The following DHRS7 variants were observed in gnomAD, a reference collection of about 807,000 sequenced individuals.
DHRS7 encodes the protein dehydrogenase/reductase SDR family member 7.
A neutral mutation model predicts 38.9 loss-of-function variants in DHRS7; 34 were observed. That is an observed-to-expected ratio of 0.87 (90% CI 0.66 to 1.16). DHRS7 has a LOEUF of 1.16. DHRS7 is among the 50% of genes most tolerant of loss of function. The probability of loss-of-function intolerance (pLI) is 0.00; values close to 1 mark genes in which losing one functional copy is unlikely to be tolerated. For synonymous variants in DHRS7, 158 were observed against 153.1 expected (o/e 1.03, Z -0.24); for missense variants, 421 against 407.0 (o/e 1.03, Z -0.30).
chr14:60,168,666 C>A, upstream of DHRS7: 1 of 1,539,330 alleles, frequency 6.5e-7, no homozygotes. Context: ...TTTTTCCTCT[C>A]CTTCTCTTTT....
chr14:60,164,408 G>A (rs1896825592), intron 1 of DHRS7, among the ~76,000 whole-genome samples: 1 of 152,046 alleles, frequency 6.6e-6, no homozygotes, highest in African/African-American at 2.4e-5. Context: ...CTAGCTTTCG[G>A]TAGGTCATTT....
chr14:60,167,309 G>A (rs914140369), upstream of DHRS7, among the ~76,000 whole-genome samples: 15 of 152,146 alleles, frequency 9.9e-5, no homozygotes, highest in Admixed American at 2.6e-4. Context: ...CTTGAAGTTC[G>A]GAAGTTAATG....
intron 1 of DHRS7, among the ~76,000 whole-genome samples, chr14:60,158,177 G>A (rs1031370196): frequency 2.7e-5 from 4 of 145,878 alleles, no homozygotes; most frequent in African/African-American, 1.0e-4. Context: ...AGGTTGCAGT[G>A]AGCCAAGATT....
Position 60,150,092 on chromosome 14 carries a change from C to A in DHRS7, c.729G>T (p.Glu243Asp). Residue 243 changes from glutamate (E) to aspartate (D), a missense_variant, in exon 5 of 7, where the codon GAG becomes GAT. Physicochemically the swap from Glu to Asp is conservative, Grantham distance 45 (BLOSUM62 2). Coordinates refer to ENST00000557185, the MANE Select transcript of DHRS7 (RefSeq NM_016029.4). Reference protein sequence around the residue: ...CPGPVQSNIVENSLAGEVTKT... With the variant: ...CPGPVQSNIVDNSLAGEVTKT... ...TTGTGACTTCTCCAGCTAGGGAATT[C>A]TCCACAATATTTGATTGCACAGGTC... The A allele has an allele frequency of 6.2e-7, 1 of 1,601,426 alleles. No individual in the cohort carries two copies. The highest frequency in any genetic ancestry group is 8.5e-7 in the Non-Finnish European group (1 of 1,176,590).
intron 6 of DHRS7, 68 bp downstream of exon 6, chr14:60,149,285 A>C: frequency 6.6e-7 from 1 of 1,505,156 alleles, no homozygotes; most frequent in Non-Finnish European, 9.2e-7. Flanking sequence ...TTTTTTAAAC[A>C]CTGGAAAATT....
At chr14:60,154,214 A>AGG in intron 2 of DHRS7, 149 bp from the exon 3 acceptor site, 1 of 585,384 alleles carries the variant, frequency 1.7e-6, no homozygotes, top group South Asian at 1.9e-5. Flanking sequence ...GGTCAGGAAG[A>AGG]GGACTAGTGG....
chr14:60,161,980 A>T lies in DHRS7; in HGVS notation c.133+3197T>A, dbSNP rs1896772734. 6.6e-6 allele frequency among the ~76,000 whole-genome samples: 1 copy of T among 152,200 alleles called. No homozygotes were observed. The highest frequency in any genetic ancestry group is 1.5e-5 in the Non-Finnish European group (1 of 68,026). ...TGAGGTTACTGTTAACAAAAACCTGAGTTTTGCTCACATGTGCTGCTGTTG... is the reference window on the plus strand; with the variant it reads ...TGAGGTTACTGTTAACAAAAACCTGTGTTTTGCTCACATGTGCTGCTGTTG... On this transcript the variant is annotated intron_variant, in intron 1 of 6. Transcript: ENST00000557185. The surrounding 1 kb of genome is among the most constrained non-coding windows in gnomAD (Gnocchi z 4.2).
At chr14:60,147,185 A>T (rs1244250442) in intron 6 of DHRS7, 2 of 152,154 alleles carry the variant, frequency 1.3e-5, no homozygotes, top group Admixed American at 6.5e-5. Context: ...GTGAGCCATG[A>T]TCACGCCACT....
Position 60,153,089 on chromosome 14 carries a change from AAGCTCTATTAGCT to A in DHRS7, c.470_482del (p.Lys157IlefsTer4). ...TCAAGGACACCGTCCCTAAGTAGTTAAGCTCTATTAGCTTTCTGTAGACATCCAAGCTGGTATC... is the reference window on the plus strand; with the variant it reads ...TCAAGGACACCGTCCCTAAGTAGTTATTCTGTAGACATCCAAGCTGGTATC... On this transcript the variant is annotated frameshift_variant, in exon 4 of 7. Coordinates refer to ENST00000557185, the MANE Select transcript of DHRS7 (RefSeq NM_016029.4). LOFTEE classifies it high-confidence loss of function. The surrounding 1 kb of genome is among the most constrained non-coding windows in gnomAD (Gnocchi z 4.4). The A allele has an allele frequency of 6.2e-7, 1 of 1,614,202 alleles. No homozygotes were observed.
chr14:60,150,326 T>A (rs1044450477), intron 4 of DHRS7, 139 bp from the exon 5 acceptor site: 7 of 728,088 alleles, frequency 9.6e-6, no homozygotes, highest in African/African-American at 3.7e-5. Context: ...CACTTTTTTT[T>A]ATTATTATAT....
In DHRS7 at chr14:60,150,082, C is replaced by G. The variant is rs1262552194; in HGVS notation, c.739G>C (p.Ala247Pro). Residue 247 changes from alanine (A) to proline (P), a missense_variant, in exon 5 of 7, where the codon GCT becomes CCT. By Grantham distance (27) the Ala-to-Pro change is conservative. Coordinates refer to ENST00000557185, the MANE Select transcript of DHRS7 (RefSeq NM_016029.4). ...VQSNIVENSL[A>P]GEVTKTIGNN... The stretch of plus-strand genomic sequence containing the variant: ...ATTTTTACCTTTGTGACTTCTCCAG[C>G]TAGGGAATTCTCCACAATATTTGAT... The G allele has an allele frequency of 6.3e-7, 1 of 1,596,972 alleles. No individual in the cohort carries two copies. The highest frequency in any genetic ancestry group is 8.5e-7 in the Non-Finnish European group (1 of 1,175,786).
chr14:60,150,947 C>T (rs1432192808), intron 4 of DHRS7, among the ~76,000 whole-genome samples: 1 of 152,050 alleles, frequency 6.6e-6, no homozygotes, highest in Admixed American at 6.5e-5. Flanking sequence ...GCTCTTCATA[C>T]CAGTCCTCCT....
rs1566537939 is a variant in DHRS7 at position 60,165,304 on chromosome 14, G to C, written c.6C>G (p.Asn2Lys). Residue 2 changes from asparagine to lysine, a missense_variant, in exon 1 of 7, where the codon AAC becomes AAG. Physicochemically the swap from Asn to Lys is moderately conservative, Grantham distance 94. Transcript: ENST00000557185. The surrounding 1 kb of genome is among the most constrained non-coding windows in gnomAD (Gnocchi z 4.6). ...CCAGCAGCCACAGCAGCAGCTCCCA[G>C]TTCATTGCGGCCGCGCACGCCCAGC... is the stretch of plus-strand genomic sequence containing the variant. MNWELLLWLLVL... is the reference protein window; with the variant it reads MKWELLLWLLVL... The C allele has an allele frequency of 3.2e-6, 5 of 1,585,790 alleles. No homozygotes were observed. The highest frequency in any genetic ancestry group is 4.3e-6 in the Non-Finnish European group (5 of 1,169,290).
At chr14:60,154,151 A>C (rs2140599364) in intron 2 of DHRS7, 86 bp from the exon 3 acceptor site, 1 of 988,778 alleles carries the variant, frequency 1.0e-6, no homozygotes, top group East Asian at 2.6e-5. Flanking sequence ...ACCCTGCAAC[A>C]GGACTTGGCA....
At position 60,153,609 on chromosome 14, in the gene DHRS7, T is replaced by G. The variant is rs750348092; in HGVS notation, c.393+350A>C. 2.6e-5 allele frequency among the ~76,000 whole-genome samples: 4 copies of G among 152,074 alleles called. No individual in the cohort carries two copies. Among genetic ancestry groups the G allele is most frequent in the Admixed American group, 6.6e-5 (1 of 15,264 alleles). ...TACTCAGGAGGCTGAGGCAGGAGAA[T>G]CCCTTAAACCTGGGAGGCGGAGATT... On this transcript the variant is annotated intron_variant, in intron 3 of 6. Transcript: ENST00000557185. This position sits in a 1 kb window ranked among gnomAD's most constrained non-coding sequence, Gnocchi z 4.4.
At chr14:60,155,188 C>T (rs1040310169) in intron 2 of DHRS7, among the ~76,000 whole-genome samples, 1 of 152,096 alleles carries the variant, frequency 6.6e-6, no homozygotes, top group African/African-American at 2.4e-5. Flanking sequence ...GTGGCTCACA[C>T]CTGTAATCCC....
rs1595203486 is a variant in DHRS7 at position 60,165,020 on chromosome 14, A to G, written c.133+157T>C. ...TTTAGCCCTCGCCTCTTCCTCCCCA[A>G]CCCGCAGCCCCTGCGTAAGGGGCAG... On this transcript the variant is annotated intron_variant, in intron 1 of 6. Coordinates refer to ENST00000557185, the MANE Select transcript of DHRS7 (RefSeq NM_016029.4). The surrounding 1 kb of genome is among the most constrained non-coding windows in gnomAD (Gnocchi z 4.6). 6.6e-6 allele frequency among the ~76,000 whole-genome samples: 1 copy of G among 152,004 alleles called. No homozygotes were observed. The highest frequency in any genetic ancestry group is 1.5e-5 in the Non-Finnish European group (1 of 67,992).
At chr14:60,155,832 A>C (rs1896645943) in intron 2 of DHRS7, 168 bp downstream of exon 2, 1 of 552,396 alleles carries the variant, frequency 1.8e-6, no homozygotes, top group African/African-American at 1.9e-5. Context: ...AAAGAAGAAA[A>C]AGGCGAGGGC....
At chr14:60,169,233 A>G (rs1346916370), upstream of DHRS7, 1 of 151,478 alleles carries the variant, frequency 6.6e-6, no homozygotes, top group Non-Finnish European at 1.5e-5. Flanking sequence ...TTTCTGGAAT[A>G]CCAGCCCACC....
Sources: gnomAD v4.1 joint callset for allele counts (sites outside exome capture counted in the v4.1 genomes callset) on GRCh38, gnomAD v4.1.1 for gene constraint, Gnocchi (gnomAD v3.1) non-coding constraint, MANE v1.5 for transcripts, NCBI Gene and HGNC (gene_info 2026-07-23, HGNC 2026-07-21) for gene names.